TMTC1: variants seen among roughly 807,000 people sequenced by gnomAD.
TMTC1 encodes the protein protein O-mannosyl-transferase TMTC1.
TMTC1 carries 73 observed loss-of-function variants against 104.8 expected under a neutral mutation model. The observed-to-expected ratio is 0.70, with a 90% CI of 0.58 to 0.85. The LOEUF (loss-of-function observed/expected upper bound fraction) is 0.85, where lower values mean the gene tolerates loss of function less well. Among genes scored for constraint, TMTC1 ranks in the 40% least tolerant of loss-of-function variants. The pLI, the probability that TMTC1 is intolerant of heterozygous loss-of-function variation, is 0.00. For missense variants in TMTC1, 1,035 were observed against 1,096.1 expected (o/e 0.94, Z 0.79); for synonymous variants, 434 against 428.7 (o/e 1.01, Z -0.15).
rs540620601 is a variant in TMTC1 at position 29,704,981 on chromosome 12, G to C, written c.938+46685C>G. 3.9e-5 allele frequency among the ~76,000 whole-genome samples: 6 copies of C among 152,268 alleles called. No homozygotes were observed. In the South Asian group the frequency reaches 8.3e-4, roughly 21 times the overall value. ...ATGAAGAAAAGCTAGAAAATGTGAGGGTGTTTATCCTGGAAAACAAATTAT... is the reference window on the plus strand; with the variant it reads ...ATGAAGAAAAGCTAGAAAATGTGAGCGTGTTTATCCTGGAAAACAAATTAT... On this transcript the variant is annotated intron_variant, in intron 5 of 17. Transcript: ENST00000539277.
intron 10 of TMTC1, among the ~76,000 whole-genome samples, chr12:29,546,617 T>C (rs147497153): frequency 3.3e-5 from 5 of 152,346 alleles, no homozygotes; most frequent in Non-Finnish European, 5.9e-5. Context: ...ATGCCAAATT[T>C]AATTGTCTGG....
chr12:29,531,143 G>A (rs1944491849), intron 11 of TMTC1, among the ~76,000 whole-genome samples: 1 of 152,096 alleles, frequency 6.6e-6, no homozygotes, highest in Non-Finnish European at 1.5e-5. Context: ...TACATAACTT[G>A]CTGCTTCAAC....
intron 5 of TMTC1, among the ~76,000 whole-genome samples, chr12:29,670,101 A>C (rs1313284636): frequency 6.6e-6 from 1 of 152,260 alleles, no homozygotes; most frequent in Non-Finnish European, 1.5e-5. Context: ...CTTGCAATAC[A>C]CATTTGTGTA....
At chr12:29,605,664 A>T (rs1946679474) in intron 6 of TMTC1, among the ~76,000 whole-genome samples, 1 of 151,968 alleles carries the variant, frequency 6.6e-6, no homozygotes, top group African/African-American at 2.4e-5. Flanking sequence ...TTTAGAAAGT[A>T]CATTTCAATT....
intron 5 of TMTC1, among the ~76,000 whole-genome samples, chr12:29,670,334 C>T (rs1434271983): frequency 6.6e-6 from 1 of 152,106 alleles, no homozygotes; most frequent in African/African-American, 2.4e-5. Flanking sequence ...CCTACTGTGC[C>T]CCAGGCATGG....
intron 5 of TMTC1, among the ~76,000 whole-genome samples, chr12:29,712,356 A>C (rs1941953673): frequency 1.3e-5 from 2 of 152,342 alleles, no homozygotes; most frequent in African/African-American, 4.8e-5. Flanking sequence ...TTATTTTCCC[A>C]ATCTATCACC....
intron 5 of TMTC1, among the ~76,000 whole-genome samples, chr12:29,680,951 T>C (rs1940893794): frequency 6.6e-6 from 1 of 151,850 alleles, no homozygotes; most frequent in South Asian, 2.1e-4. Context: ...ATACAAAAAT[T>C]AGCCGGGCAT....
At chr12:29,675,272 C>T (rs1170498268) in intron 5 of TMTC1, among the ~76,000 whole-genome samples, 1 of 147,932 alleles carries the variant, frequency 6.8e-6, no homozygotes, top group Non-Finnish European at 1.5e-5. Flanking sequence ...ATTTTCCTGT[C>T]CTAAACTTAA....
At chr12:29,734,660 T>C (rs1942626684) in intron 5 of TMTC1, among the ~76,000 whole-genome samples, 1 of 152,174 alleles carries the variant, frequency 6.6e-6, no homozygotes, top group African/African-American at 2.4e-5. Context: ...GCCTTTCCTA[T>C]TGGGCTGCCA....
intron 8 of TMTC1, among the ~76,000 whole-genome samples, chr12:29,575,530 T>G (rs1295358856): frequency 6.7e-6 from 1 of 148,746 alleles, no homozygotes; most frequent in African/African-American, 2.5e-5. Flanking sequence ...CCCCGAGAAC[T>G]GAGCAAAGAC....
At position 29,699,419 on chromosome 12, in the gene TMTC1, TACA is replaced by T. The variant is rs142007875; in HGVS notation, c.938+52244_938+52246del. 5.2e-3 allele frequency among the ~76,000 whole-genome samples: 798 copies of T among 152,240 alleles called. 6 individuals carry two copies. The highest frequency in any genetic ancestry group is 0.018 in the African/African-American group (752 of 41,542). On this transcript the variant is annotated intron_variant, in intron 5 of 17. Transcript: ENST00000539277. ...ATTTTCATGTGTCTTACCAAAAAAT[TACA>T]ACGTTATATGACAGAAAAAAGTGCC...
intron 5 of TMTC1, among the ~76,000 whole-genome samples, chr12:29,679,982 G>T (rs1280098174): frequency 1.3e-5 from 2 of 151,964 alleles, no homozygotes; most frequent in Non-Finnish European, 2.9e-5. Flanking sequence ...AAAACAAAAA[G>T]AATTATTAAA....
At chr12:29,677,540 C>A (rs1221788565) in intron 5 of TMTC1, among the ~76,000 whole-genome samples, 1 of 152,230 alleles carries the variant, frequency 6.6e-6, no homozygotes, top group Non-Finnish European at 1.5e-5. Flanking sequence ...CCTTTATCTG[C>A]AGTTTCAGTT....
chr12:29,607,889 C>T (rs1946744781), intron 6 of TMTC1, among the ~76,000 whole-genome samples: 1 of 152,174 alleles, frequency 6.6e-6, no homozygotes, highest in Non-Finnish European at 1.5e-5. Context: ...TGAGCTTACA[C>T]ACAGCCCGCC....
At chr12:29,772,966 T>G (rs898163795) in intron 1 of TMTC1, among the ~76,000 whole-genome samples, 1 of 152,200 alleles carries the variant, frequency 6.6e-6, no homozygotes, top group East Asian at 1.9e-4. Context: ...TTGGAAAAGA[T>G]CATCTTTCCC....
At chr12:29,543,922 A>C (rs565229334) in intron 10 of TMTC1, among the ~76,000 whole-genome samples, 2 of 152,112 alleles carry the variant, frequency 1.3e-5, no homozygotes, top group African/African-American at 4.8e-5. Flanking sequence ...GAGGACACAG[A>C]TTCATATTAT....
At chr12:29,593,276 T>G (rs990803929) in intron 7 of TMTC1, among the ~76,000 whole-genome samples, 1 of 152,234 alleles carries the variant, frequency 6.6e-6, no homozygotes, top group Non-Finnish European at 1.5e-5. Flanking sequence ...AAATAATGTA[T>G]GTAAACGTGT....
In TMTC1 at chr12:29,783,791, C is replaced by A. The variant is rs1337130006; in HGVS notation, c.-40G>T. 6 of 1,127,790 alleles carry A rather than the reference C, an allele frequency of 5.3e-6. No individual in the cohort carries two copies. Among genetic ancestry groups the A allele is most frequent in the Middle Eastern group, 3.8e-4 (1 of 2,612 alleles). The allele number at this position is 1,127,790 out of a possible 1,614,324, so 69.9% of individuals were successfully genotyped here. On this transcript the variant is annotated 5_prime_UTR_variant, in exon 1 of 18. Coordinates refer to ENST00000539277, the MANE Select transcript of TMTC1 (RefSeq NM_001193451.2). The surrounding 1 kb of genome is among the most constrained non-coding windows in gnomAD (Gnocchi z 4.7). ...CGCTGCTGCCCTGGCCTCTCCCGGG[C>A]GTCTGGCATCCTCCCCTACCGGGGC...
chr12:29,577,096 T>C (rs147006021), intron 8 of TMTC1, among the ~76,000 whole-genome samples: 4 of 152,204 alleles, frequency 2.6e-5, no homozygotes, highest in African/African-American at 9.6e-5. Context: ...CCAGCTGAGG[T>C]TGATAAGATA....
Sources: allele counts gnomAD v4.1 joint callset (sites outside exome capture counted in the v4.1 genomes callset), GRCh38; gene constraint gnomAD v4.1.1; non-coding constraint Gnocchi (gnomAD v3.1); transcripts MANE v1.5; gene names NCBI Gene and HGNC (gene_info 2026-07-23, HGNC 2026-07-21).